Variants in TBC1D30 observed in about 807,000 individuals in gnomAD.
TBC1D30 encodes TBC1 domain family, member 30.
In TBC1D30, 31 loss-of-function variants were observed where a neutral mutation model predicts 63.2. The observed-to-expected ratio is 0.49, with a 90% CI of 0.37 to 0.66. The LOEUF is 0.66. Ranked by LOEUF, TBC1D30 falls within the 30% of genes least tolerant of loss-of-function variation. The probability of loss-of-function intolerance (pLI) is 0.00; values close to 1 mark genes in which losing one functional copy is unlikely to be tolerated. For synonymous variants in TBC1D30, 307 were observed against 361.5 expected, an observed-to-expected ratio of 0.85 and a Z score of 1.71; for missense variants, 810 against 953.6, an observed-to-expected ratio of 0.85 and a Z score of 1.98.
chr12:64,863,780 C>T (rs559349255), intron 8 of TBC1D30, among the ~76,000 whole-genome samples: 117 of 152,288 alleles, frequency 7.7e-4, no homozygotes, highest in African/African-American at 2.8e-3. Context: ...ATCTTCTAAG[C>T]CTTCATAAAA....
At position 64,764,643 on chromosome 12, in the gene TBC1D30, T is replaced by C. The variant is rs1283087436; in HGVS notation, c.-376+4994T>C. 3.9e-5 allele frequency among the ~76,000 whole-genome samples: 6 copies of C among 152,312 alleles called. No individual in the cohort carries two copies. The East Asian group carries it at 9.6e-4, about 24-fold the overall frequency. On this transcript the variant is annotated intron_variant, in intron 1 of 13. Coordinates refer to the TBC1D30 transcript ENST00000674237. ...ACATTCTGAACCAGAGAGCAGGAAA[T>C]AGGATCTCATGCTTGACAAAGTTGA...
At chr12:64,760,297 C>T (rs1233140176) in intron 1 of TBC1D30, among the ~76,000 whole-genome samples, 1 of 152,074 alleles carries the variant, frequency 6.6e-6, no homozygotes, top group East Asian at 1.9e-4. Flanking sequence ...ACCGTGGGCG[C>T]GGTGGCTCAC....
intron 1 of TBC1D30, among the ~76,000 whole-genome samples, chr12:64,765,554 C>A (rs1390177379): frequency 7.1e-6 from 1 of 141,054 alleles, no homozygotes; most frequent in Non-Finnish European, 1.5e-5. Context: ...GAAAATGTGA[C>A]CCCATGACCA....
At position 64,860,049 on chromosome 12, in the gene TBC1D30, A is replaced by C. The variant is rs1276188298; in HGVS notation, c.1039-4619A>C. 2.1e-5 allele frequency among the ~76,000 whole-genome samples: 3 copies of C among 142,414 alleles called. No individual in the cohort carries two copies. The Admixed American group carries it at 2.1e-4, about 10-fold the overall frequency. The allele number at this position is 142,414 out of a possible 152,430, so 93.4% of individuals were successfully genotyped here. A position where few individuals can be genotyped will look rare whatever the true frequency, so the allele number is the denominator to read the frequency against. ...TTTTTTTTTTTTAAAACATGGTCTCACTTTGTCACATAGACTGGAGTGCAG... is the reference window on the plus strand; with the variant it reads ...TTTTTTTTTTTTAAAACATGGTCTCCCTTTGTCACATAGACTGGAGTGCAG... On this transcript the variant is annotated intron_variant, in intron 8 of 11. Coordinates refer to ENST00000539867, the MANE Select transcript of TBC1D30 (RefSeq NM_015279.2).
intron 2 of TBC1D30, among the ~76,000 whole-genome samples, chr12:64,799,635 T>C (rs1872489325): frequency 6.6e-6 from 1 of 152,254 alleles, no homozygotes; most frequent in East Asian, 1.9e-4. Flanking sequence ...TCCAATAACA[T>C]GCAAGAAGAG....
chr12:64,838,917 A>G, intron 7 of TBC1D30, 66 bp downstream of exon 7: 1 of 1,404,328 alleles, frequency 7.1e-7, no homozygotes. Context: ...TTTGTGCTCT[A>G]ACGTGTAAAG....
intron 2 of TBC1D30, among the ~76,000 whole-genome samples, chr12:64,802,506 T>C (rs1872636435): frequency 1.3e-5 from 2 of 152,076 alleles, no homozygotes; most frequent in Admixed American, 1.3e-4. Context: ...TTCTTTCTTT[T>C]TATTATTATA....
At chr12:64,770,537 C>T (rs1447841925) in intron 1 of TBC1D30, among the ~76,000 whole-genome samples, 3 of 152,178 alleles carry the variant, frequency 2.0e-5, no homozygotes, top group Non-Finnish European at 4.4e-5. Context: ...CCCCACCTAG[C>T]TACTTTGGGG....
At chr12:64,796,296 T>A (rs1872266999) in intron 2 of TBC1D30, among the ~76,000 whole-genome samples, 1 of 152,142 alleles carries the variant, frequency 6.6e-6, no homozygotes, top group Admixed American at 6.5e-5. Flanking sequence ...CCACAACCTT[T>A]GGTTGAGCAA....
chr12:64,845,094 GT>G (rs1351843786), intron 8 of TBC1D30, among the ~76,000 whole-genome samples: 1 of 152,202 alleles, frequency 6.6e-6, no homozygotes, highest in Non-Finnish European at 1.5e-5. Flanking sequence ...TGCAGATACT[GT>G]TTTGATATAC....
chr12:64,875,048 C>T lies in TBC1D30; in HGVS notation c.1546C>T (p.Pro516Ser). Reference sequence around the variant, plus strand: ...TCTCCCGTCTCAGGTAAACAGTTCTCCAGTTATAAACCACCTTCTTTTAGG... The same window carrying T: ...TCTCCCGTCTCAGGTAAACAGTTCTTCAGTTATAAACCACCTTCTTTTAGG... ...SILPSQVNSS[P>S]VINHLLLGKK... Residue 516 changes from proline (P) to serine (S), a missense_variant, in exon 12 of 12, where the codon CCA becomes TCA. Transcript: ENST00000539867. 2 of 1,536,716 alleles carry T rather than the reference C, an allele frequency of 1.3e-6. No homozygotes were observed. The highest frequency in any genetic ancestry group is 1.7e-6 in the Non-Finnish European group (2 of 1,147,038).
chr12:64,846,303 A>G (rs527414779), intron 8 of TBC1D30, among the ~76,000 whole-genome samples: 34 of 152,216 alleles, frequency 2.2e-4, no homozygotes, highest in South Asian at 2.1e-3. Context: ...AGTTTTTCCA[A>G]TGTTTTATTG....
intron 2 of TBC1D30, among the ~76,000 whole-genome samples, chr12:64,787,780 A>G (rs1393423076): frequency 6.6e-6 from 1 of 152,226 alleles, no homozygotes; most frequent in African/African-American, 2.4e-5. Flanking sequence ...TCACGCCTAT[A>G]ATCCCAGCAC....
At chr12:64,862,585 A>T (rs933757888) in intron 8 of TBC1D30, among the ~76,000 whole-genome samples, 2 of 152,134 alleles carry the variant, frequency 1.3e-5, no homozygotes, top group African/African-American at 4.8e-5. Context: ...TTCCTTCACA[A>T]GGCTGGATGA....
intron 1 of TBC1D30, chr12:64,781,344 G>C: frequency 9.6e-7 from 1 of 1,046,262 alleles, no homozygotes; most frequent in East Asian, 1.1e-4. Flanking sequence ...TGTCCTCGCC[G>C]TCTCTGCCCG....
At chr12:64,824,055 T>C (rs1401827961), upstream of TBC1D30, among the ~76,000 whole-genome samples, 3 of 143,222 alleles carry the variant, frequency 2.1e-5, no homozygotes, top group African/African-American at 5.3e-5. Flanking sequence ...TTGGTGAATA[T>C]TGCCGTTTGA....
At chr12:64,820,446 G>A (rs553198498), upstream of TBC1D30, among the ~76,000 whole-genome samples, 1 of 152,174 alleles carries the variant, frequency 6.6e-6, no homozygotes, top group South Asian at 2.1e-4. Context: ...TGTGACATTC[G>A]GGGCATTTCC....
intron 2 of TBC1D30, among the ~76,000 whole-genome samples, chr12:64,808,708 ACT>A (rs972091835): frequency 6.6e-6 from 1 of 151,800 alleles, no homozygotes; most frequent in Non-Finnish European, 1.5e-5. Flanking sequence ...CAAAATTGAA[ACT>A]CTGTGCCTAT....
chr12:64,804,988 G>A (rs1174293864), intron 2 of TBC1D30, among the ~76,000 whole-genome samples: 1 of 152,122 alleles, frequency 6.6e-6, no homozygotes, highest in Non-Finnish European at 1.5e-5. Flanking sequence ...ATCACCTGAG[G>A]TCAGAAGTTC....
Sources: allele counts gnomAD v4.1 joint callset (sites outside exome capture counted in the v4.1 genomes callset), GRCh38; gene constraint gnomAD v4.1.1; transcripts MANE v1.5; gene names NCBI Gene and HGNC (gene_info 2026-07-23, HGNC 2026-07-21).